The following NKAIN2 variants were observed in gnomAD, a reference collection of about 807,000 sequenced individuals.
NKAIN2 encodes sodium/potassium-transporting ATPase subunit beta-1-interacting protein 2.
Under a neutral mutation model 32.6 loss-of-function variants are expected in NKAIN2, and 14 were observed. That is an observed-to-expected ratio of 0.43 (90% CI 0.28 to 0.67). The LOEUF (loss-of-function observed/expected upper bound fraction) is 0.67, where lower values mean the gene tolerates loss of function less well. Ranked by LOEUF, NKAIN2 falls within the 30% of genes least tolerant of loss-of-function variation. NKAIN2 has a pLI of 0.17. For synonymous variants in NKAIN2, 80 were observed against 87.2 expected, an observed-to-expected ratio of 0.92 and a Z score of 0.46; for missense variants, 198 against 258.3, an observed-to-expected ratio of 0.77 and a Z score of 1.60.
chr6:124,050,544 T>A (rs962608246), intron 1 of NKAIN2, among the ~76,000 whole-genome samples: 1 of 152,018 alleles, frequency 6.6e-6, no homozygotes, highest in African/African-American at 2.4e-5. Flanking sequence ...GTTTTCCTTG[T>A]ATAACTCTAT....
intron 1 of NKAIN2, among the ~76,000 whole-genome samples, chr6:124,061,673 CT>C (rs1227209664): frequency 6.6e-6 from 1 of 151,768 alleles, no homozygotes; most frequent in Non-Finnish European, 1.5e-5. Context: ...TGCACTACCC[CT>C]AAGCACTGTC....
chr6:124,258,537 TATAAAACTGACAGG>T lies in NKAIN2; in HGVS notation c.55-24466_55-24453del, dbSNP rs199992425. On this transcript the variant is annotated intron_variant, in intron 1 of 6. Coordinates refer to ENST00000368417, the MANE Select transcript of NKAIN2 (RefSeq NM_001040214.3). ...CTTGAAACTATGTAATATCTAATAA[TATAAAACTGACAGG>T]ACTTGAAGCTATATGGTGCAGAGAT... 7.0e-3 allele frequency among the ~76,000 whole-genome samples: 1,067 copies of T among 152,256 alleles called. 11 individuals are homozygous for T. The highest frequency in any genetic ancestry group is 8.7e-3 in the Non-Finnish European group (591 of 68,022).
intron 3 of NKAIN2, among the ~76,000 whole-genome samples, chr6:124,638,887 C>CAAAAAAAAAAAAAAAAAAA (rs35802663): frequency 4.8e-5 from 4 of 82,624 alleles, no homozygotes; most frequent in African/African-American, 1.6e-4. Context: ...GAGACTCTGT[C>CAAAAAAAAAAAAAAAAAAA]AAAAAAAAAA....
At chr6:124,367,748 C>T (rs986939221) in intron 3 of NKAIN2, among the ~76,000 whole-genome samples, 13 of 152,030 alleles carry the variant, frequency 8.6e-5, no homozygotes, top group Admixed American at 5.9e-4. Flanking sequence ...AATCAGAGAT[C>T]CTAGGGTACA....
chr6:124,007,089 T>C (rs924921294), intron 1 of NKAIN2, among the ~76,000 whole-genome samples: 5 of 152,204 alleles, frequency 3.3e-5, no homozygotes, highest in African/African-American at 9.7e-5. Flanking sequence ...CTAGGCTATA[T>C]GGTATGGCCT....
chr6:124,587,767 A>G (rs374362427), intron 3 of NKAIN2, among the ~76,000 whole-genome samples: 19 of 152,154 alleles, frequency 1.2e-4, no homozygotes, highest in Admixed American at 3.9e-4. Context: ...CCCTCCAATC[A>G]GGCAATTCAC....
At chr6:124,701,770 G>A (rs564702506) in intron 4 of NKAIN2, among the ~76,000 whole-genome samples, 201 of 152,134 alleles carry the variant, frequency 1.3e-3, no homozygotes, top group African/African-American at 4.8e-3. Context: ...GAAATTTTTT[G>A]GAACTACTTT....
intron 1 of NKAIN2, among the ~76,000 whole-genome samples, chr6:123,925,070 A>T (rs1392984294): frequency 6.6e-6 from 1 of 151,888 alleles, no homozygotes; most frequent in South Asian, 2.1e-4. Flanking sequence ...CCAGAATGGA[A>T]TTTTTTTTGT....
At chr6:124,137,285 A>G (rs1186520852) in intron 1 of NKAIN2, among the ~76,000 whole-genome samples, 2 of 152,126 alleles carry the variant, frequency 1.3e-5, no homozygotes, top group Non-Finnish European at 2.9e-5. Flanking sequence ...TAAATTACTT[A>G]GAAATATACT....
At chr6:124,182,337 A>G (rs1225275849) in intron 1 of NKAIN2, among the ~76,000 whole-genome samples, 2 of 152,194 alleles carry the variant, frequency 1.3e-5, no homozygotes, top group Non-Finnish European at 2.9e-5. Flanking sequence ...CTAATTAAGC[A>G]TTATAATAAT....
At chr6:124,531,961 C>A (rs1779543553) in intron 3 of NKAIN2, among the ~76,000 whole-genome samples, 1 of 152,126 alleles carries the variant, frequency 6.6e-6, no homozygotes, top group Non-Finnish European at 1.5e-5. Flanking sequence ...GTGAACCACC[C>A]AGCCTGGCCT....
intron 3 of NKAIN2, among the ~76,000 whole-genome samples, chr6:124,387,589 C>G (rs548880214): frequency 6.6e-6 from 1 of 152,138 alleles, no homozygotes; most frequent in South Asian, 2.1e-4. Flanking sequence ...TAACAAAATT[C>G]CAGTCTAATG....
At chr6:124,353,624 A>G (rs911444259) in intron 2 of NKAIN2, among the ~76,000 whole-genome samples, 14 of 152,026 alleles carry the variant, frequency 9.2e-5, no homozygotes, top group Non-Finnish European at 1.8e-4. Flanking sequence ...GCATAGTGGC[A>G]GGCGCCTGTA....
At position 124,251,904 on chromosome 6, in the gene NKAIN2, A is replaced by C. The variant is rs982889127; in HGVS notation, c.55-31101A>C. Reference sequence around the variant, plus strand: ...TATAGAAATTTTTGAACCTGCAAAGAAGATATATATAAGAACATTACCAAC... The same window carrying C: ...TATAGAAATTTTTGAACCTGCAAAGCAGATATATATAAGAACATTACCAAC... On this transcript the variant is annotated intron_variant, in intron 1 of 6. Coordinates refer to ENST00000368417, the MANE Select transcript of NKAIN2 (RefSeq NM_001040214.3). Among the ~76,000 whole-genome samples, 3 of 152,084 alleles carry C rather than the reference A, an allele frequency of 2.0e-5. No individual in the cohort carries two copies. The East Asian group carries it at 5.8e-4, about 29-fold the overall frequency.
chr6:124,368,185 G>A (rs1398637865), intron 3 of NKAIN2, among the ~76,000 whole-genome samples: 1 of 152,096 alleles, frequency 6.6e-6, no homozygotes, highest in Non-Finnish European at 1.5e-5. Flanking sequence ...AGAAGCAAAA[G>A]ATCTCAATTT....
chr6:124,327,550 T>C (rs1797471289), intron 2 of NKAIN2, among the ~76,000 whole-genome samples: 1 of 152,138 alleles, frequency 6.6e-6, no homozygotes, highest in Admixed American at 6.5e-5. Flanking sequence ...ATAGCAAACA[T>C]TTTAGTCTTG....
rs559479923 is a variant in NKAIN2, at chr6:124,440,698, ACTTCT to A, written c.273+85354_273+85358del. On this transcript the variant is annotated intron_variant, in intron 3 of 6. Transcript: ENST00000368417. ...ATCATTTAGCCCTTCCAGGATGCAGACTTCTCTCTTTGCTTCGTAGTCTCTTAGAA... is the reference window on the plus strand; with the variant it reads ...ATCATTTAGCCCTTCCAGGATGCAGACTCTTTGCTTCGTAGTCTCTTAGAA... 9.3e-4 allele frequency among the ~76,000 whole-genome samples: 142 copies of A among 152,198 alleles called. 1 individual carries two copies. The highest frequency in any genetic ancestry group is 3.4e-3 in the African/African-American group (140 of 41,558).
intron 4 of NKAIN2, among the ~76,000 whole-genome samples, chr6:124,674,576 C>T (rs1022976860): frequency 6.6e-6 from 1 of 151,862 alleles, no homozygotes; most frequent in African/African-American, 2.4e-5. Context: ...CCTTTCATAT[C>T]ATTTGTTAAG....
chr6:123,891,486 AAAG>A (rs1028242999), intron 1 of NKAIN2, among the ~76,000 whole-genome samples: 16 of 152,140 alleles, frequency 1.1e-4, no homozygotes, highest in African/African-American at 3.6e-4. Context: ...ATACCAAGGG[AAAG>A]TGGAACTGAA....
Sources: allele counts gnomAD v4.1 joint callset (sites outside exome capture counted in the v4.1 genomes callset), GRCh38; gene constraint gnomAD v4.1.1; transcripts MANE v1.5; gene names NCBI Gene and HGNC (gene_info 2026-07-23, HGNC 2026-07-21).